Variants in RAD51D observed in about 807,000 individuals in gnomAD.
The protein encoded by RAD51D is RAD51 paralog D.
A neutral mutation model predicts 44.1 loss-of-function variants in RAD51D; 38 were observed. The observed-to-expected ratio is 0.86, with a 90% CI of 0.67 to 1.13. RAD51D has a LOEUF of 1.13. Ranked by LOEUF, RAD51D falls within the 50% of genes most tolerant of loss-of-function variation. The probability of loss-of-function intolerance (pLI) is 0.00; values close to 1 mark genes in which losing one functional copy is unlikely to be tolerated. For synonymous variants in RAD51D, 141 were observed against 166.6 expected, an observed-to-expected ratio of 0.85 and a Z score of 1.18; for missense variants, 390 against 414.0, an observed-to-expected ratio of 0.94 and a Z score of 0.50.
At chr17:35,119,268 C>G in intron 1 of RAD51D, 96 bp from the exon 2 acceptor site, 1 of 1,196,720 alleles carries the variant, frequency 8.4e-7, no homozygotes, top group South Asian at 1.2e-5. Context: ...CAATTCTACC[C>G]CCCGGCAGGC....
intron 3 of RAD51D, among the ~76,000 whole-genome samples, chr17:35,113,891 A>T (rs2091706072): frequency 1.3e-5 from 2 of 152,208 alleles, no homozygotes; most frequent in Admixed American, 6.5e-5. Flanking sequence ...TTGAGTTTCA[A>T]CAAGGCCTCC....
chr17:35,113,174 A>C (rs1186877763), intron 3 of RAD51D, among the ~76,000 whole-genome samples: 2 of 152,136 alleles, frequency 1.3e-5, no homozygotes, highest in African/African-American at 4.8e-5. Flanking sequence ...CTAGCCCTAC[A>C]ATCACCTTCC....
chr17:35,116,011 A>AAGAAAGAG (rs1227455825), intron 3 of RAD51D, among the ~76,000 whole-genome samples: 1 of 151,240 alleles, frequency 6.6e-6, no homozygotes, highest in East Asian at 2.0e-4. Context: ...GAAAGAAAGA[A>AAGAAAGAG]AGGCTAGAAA....
At chr17:35,113,020 G>C (rs1396422400) in intron 3 of RAD51D, among the ~76,000 whole-genome samples, 1 of 152,180 alleles carries the variant, frequency 6.6e-6, no homozygotes, top group African/African-American at 2.4e-5. Flanking sequence ...TAAACCTCAT[G>C]ACATGCCAAT....
In RAD51D at chr17:35,099,915, G is replaced by A. The variant is rs11650161; in HGVS notation, c.*1038C>T. ...GACAGAGGGATTATTTCATACACTA[G>A]GGCACTAGCTGTGGTACAGCTGGCA... On this transcript the variant is annotated 3_prime_UTR_variant, in exon 10 of 10. Coordinates refer to ENST00000345365, the MANE Select transcript of RAD51D (RefSeq NM_002878.4). 1.9e-6 allele frequency: 1 copy of A among 521,768 alleles called. No homozygotes were observed. The highest frequency in any genetic ancestry group is 3.7e-6 in the Non-Finnish European group (1 of 268,434). The allele number at this position is 521,768 out of a possible 1,614,324, so 32.3% of individuals were successfully genotyped here.
At chr17:35,106,861 G>C in intron 5 of RAD51D, 127 bp downstream of exon 5, 2 of 1,382,782 alleles carry the variant, frequency 1.4e-6, no homozygotes, top group East Asian at 4.6e-5. Flanking sequence ...AGGAATACGA[G>C]ATGTATTAAT....
At chr17:35,118,835 C>T (rs955404183) in intron 2 of RAD51D, among the ~76,000 whole-genome samples, 2 of 152,188 alleles carry the variant, frequency 1.3e-5, no homozygotes, top group South Asian at 4.1e-4. Flanking sequence ...CTCTGCCTCC[C>T]GGGCTCAAAT....
At position 35,092,309 on chromosome 17, in the gene RAD51D, T is replaced by C. The variant is rs1350564163; in HGVS notation, c.*8644A>G. 5 of 152,194 alleles carry C rather than the reference T, an allele frequency of 3.3e-5. No homozygotes were observed. The highest frequency in any genetic ancestry group is 4.1e-4 in the South Asian group (2 of 4,830). The allele number at this position is 152,194 out of a possible 1,614,324, so 9.4% of individuals were successfully genotyped here. A position where few individuals can be genotyped will look rare whatever the true frequency, so the allele number is the denominator to read the frequency against. On this transcript the variant is annotated 3_prime_UTR_variant, in exon 10 of 10. Coordinates refer to ENST00000345365, the MANE Select transcript of RAD51D (RefSeq NM_002878.4). ...GAAGCACAGGCCTTTCCCCAAACAGTTGTGAAAAAATAAATCATATTATTT... is the reference window on the plus strand; with the variant it reads ...GAAGCACAGGCCTTTCCCCAAACAGCTGTGAAAAAATAAATCATATTATTT...
intron 3 of RAD51D, 22 bp downstream of exon 3, chr17:35,118,479 T>C (rs753052289): frequency 8.1e-6 from 13 of 1,601,222 alleles, no homozygotes; most frequent in South Asian, 2.2e-5. Context: ...TCTCTCCTTC[T>C]TCCCCAAGTA....
chr17:35,112,875 G>A (rs552184807), intron 3 of RAD51D, among the ~76,000 whole-genome samples: 4 of 152,262 alleles, frequency 2.6e-5, no homozygotes, highest in South Asian at 2.1e-4. Flanking sequence ...GATCCCTGTC[G>A]CATCCCCAGC....
At chr17:35,119,433 A>G in intron 1 of RAD51D, 99 bp downstream of exon 1, 1 of 1,369,218 alleles carries the variant, frequency 7.3e-7, no homozygotes, top group Non-Finnish European at 1.0e-6. Context: ...ATGGAGGGGA[A>G]GCGCCCTGCA....
intron 4 of RAD51D, 58 bp from the exon 5 acceptor site, chr17:35,107,180 C>A (rs2142434777): frequency 1.3e-6 from 2 of 1,599,500 alleles, no homozygotes; most frequent in Non-Finnish European, 1.7e-6. Flanking sequence ...GATGGGAGCT[C>A]CCCACCAAAC....
rs1396363113 is a variant in RAD51D at position 35,097,661 on chromosome 17, G to A, written c.*3292C>T. 3 of 152,008 alleles carry A rather than the reference G, an allele frequency of 2.0e-5. No individual in the cohort carries two copies. The East Asian group carries it at 5.8e-4, about 29-fold the overall frequency. The allele number at this position is 152,008 out of a possible 1,614,324, so 9.4% of individuals were successfully genotyped here. ...ACCCCTGAGATAGAGCCAGTCCTTT[G>A]CTTTTTTAAAATATATTTTTAAAAC... On this transcript the variant is annotated 3_prime_UTR_variant, in exon 10 of 10. Coordinates refer to ENST00000345365, the MANE Select transcript of RAD51D (RefSeq NM_002878.4).
chr17:35,107,737 C>CTTT lies in RAD51D; in HGVS notation c.264-293_264-291dup, dbSNP rs34531142. On this transcript the variant is annotated intron_variant, in intron 3 of 9. Coordinates refer to ENST00000345365, the MANE Select transcript of RAD51D (RefSeq NM_002878.4). The stretch of plus-strand genomic sequence containing the variant: ...TTTCATCTCAGGCCCTGTGGGTTTC[C>CTTT]TTTTTTTTTTTTTTTTTTTTTTTTT... 2.7e-4 allele frequency among the ~76,000 whole-genome samples: 25 copies of CTTT among 94,028 alleles called. 1 individual carries two copies. Among genetic ancestry groups the CTTT allele is most frequent in the Non-Finnish European group, 3.4e-4 (17 of 50,294 alleles). The allele number at this position is 94,028 out of a possible 152,430, so 61.7% of individuals were successfully genotyped here.
At chr17:35,114,321 T>A (rs548551456) in intron 3 of RAD51D, among the ~76,000 whole-genome samples, 93 of 151,816 alleles carry the variant, frequency 6.1e-4, no homozygotes, top group African/African-American at 1.9e-3. Flanking sequence ...GGGAGTTTTT[T>A]AAAAAATGCC....
chr17:35,119,499 G>A (rs764810357), intron 1 of RAD51D, 33 bp downstream of exon 1: 1 of 1,606,742 alleles, frequency 6.2e-7, no homozygotes, highest in Admixed American at 1.7e-5. Context: ...TGCGAGGCCC[G>A]CGCGGCTCCC....
rs760529001 is a variant in RAD51D at position 35,107,349 on chromosome 17, G to A, written c.345+17C>T. On this transcript the variant is annotated intron_variant, in intron 4 of 9. Coordinates refer to ENST00000345365, the MANE Select transcript of RAD51D (RefSeq NM_002878.4). ...CCCTCACCCCTAAATCCTCCTGACT[G>A]CTGGCCTCACATGTACCTGAGTTTT... 3 of 1,534,280 alleles carry A rather than the reference G, an allele frequency of 2.0e-6. No homozygotes were observed. The Admixed American group carries it at 5.0e-5, about 26-fold the overall frequency.
At chr17:35,114,551 A>G (rs2091715400) in intron 3 of RAD51D, among the ~76,000 whole-genome samples, 1 of 150,416 alleles carries the variant, frequency 6.6e-6, no homozygotes, top group Non-Finnish European at 1.5e-5. Context: ...TTAGCCAGGC[A>G]TGGTGGTGAG....
intron 3 of RAD51D, 88 bp downstream of exon 3, chr17:35,118,413 C>T (rs1006745506): frequency 8.7e-6 from 10 of 1,154,672 alleles, no homozygotes; most frequent in African/African-American, 3.1e-5. Flanking sequence ...AAAAACCCCT[C>T]CCGTCTAGAC....
Sources: allele counts gnomAD v4.1 joint callset (sites outside exome capture counted in the v4.1 genomes callset), GRCh38; gene constraint gnomAD v4.1.1; transcripts MANE v1.5; gene names NCBI Gene and HGNC (gene_info 2026-07-23, HGNC 2026-07-21).